RGS3: variants seen among roughly 807,000 people sequenced by gnomAD.
RGS3 encodes regulator of G-protein signalling 3.
A neutral mutation model predicts 132.6 loss-of-function variants in RGS3; 80 were observed. That is an observed-to-expected ratio of 0.60 (90% CI 0.50 to 0.73). The LOEUF (loss-of-function observed/expected upper bound fraction) is 0.73, where lower values mean the gene tolerates loss of function less well. RGS3 is among the 30% of genes least tolerant of loss of function. The probability of loss-of-function intolerance (pLI) is 0.00; values close to 1 mark genes in which losing one functional copy is unlikely to be tolerated. For missense variants in RGS3, 1,382 were observed against 1,530.8 expected (o/e 0.90, Z 1.62); for synonymous variants, 598 against 620.6 (o/e 0.96, Z 0.54).
chr9:113,583,912 A>G (rs777664413), exon 20 of RGS3: 5 of 1,614,056 alleles, frequency 3.1e-6, no homozygotes, highest in Non-Finnish European at 4.2e-6. Context: ...TGAGGACACC[A>G]TGAGCTCCGG....
chr9:113,527,038 C>G (rs1271380789), intron 17 of RGS3, among the ~76,000 whole-genome samples: 1 of 152,190 alleles, frequency 6.6e-6, no homozygotes, highest in African/African-American at 2.4e-5. Flanking sequence ...GAGTGCTGCC[C>G]CCATTCCGTC....
chr9:113,485,776 C>T lies in RGS3; in HGVS notation c.689+83C>T, dbSNP rs151259445. The T allele has an allele frequency of 5.4e-4, 514 of 949,926 alleles. 4 individuals carry two copies. In the East Asian group the frequency reaches 0.013, roughly 24 times the overall value. The allele number at this position is 949,926 out of a possible 1,614,324, so 58.8% of individuals were successfully genotyped here. On this transcript the variant is annotated intron_variant, in intron 7 of 24. Coordinates refer to ENST00000350696, the Ensembl canonical transcript of RGS3. ...AGGTGGCCAGCATACACCAGGGGTT[C>T]GATTAGTGCTTTCTGGATAAATGAG...
chr9:113,536,585 C>T lies in RGS3; in HGVS notation c.1915-211C>T, dbSNP rs1296900225. 4 of 1,383,478 alleles carry T rather than the reference C, an allele frequency of 2.9e-6. No homozygotes were observed. The South Asian group carries it at 4.4e-5, about 15-fold the overall frequency. The allele number at this position is 1,383,478 out of a possible 1,614,324, so 85.7% of individuals were successfully genotyped here. ...TCCCCTCCCCCAACCTGTGGGCCCACAGCTCGCCAGCTGGCCCTTGAACCC... is the reference window on the plus strand; with the variant it reads ...TCCCCTCCCCCAACCTGTGGGCCCATAGCTCGCCAGCTGGCCCTTGAACCC... On this transcript the variant is annotated intron_variant, in intron 18 of 24. Transcript: ENST00000350696.
chr9:113,508,553 G>A (rs759531513), exon 14 of RGS3: 1 of 1,612,664 alleles, frequency 6.2e-7, no homozygotes, highest in Non-Finnish European at 8.5e-7. Flanking sequence ...GCTCCGGCCT[G>A]TGTACCAGGA....
intron 19 of RGS3, among the ~76,000 whole-genome samples, chr9:113,543,854 G>A (rs550305328): frequency 2.4e-4 from 37 of 152,348 alleles, no homozygotes; most frequent in African/African-American, 8.7e-4. Flanking sequence ...GGCTGTTAGG[G>A]AAGTGGACAT....
intron 1 of RGS3, among the ~76,000 whole-genome samples, chr9:113,445,204 T>C (rs968829998): frequency 5.9e-5 from 9 of 152,042 alleles, no homozygotes; most frequent in African/African-American, 2.2e-4. Flanking sequence ...TTTTTTTGTT[T>C]TTTGTTTTTT....
chr9:113,572,971 C>T (rs1834356944), intron 19 of RGS3, among the ~76,000 whole-genome samples: 1 of 152,212 alleles, frequency 6.6e-6, no homozygotes, highest in Non-Finnish European at 1.5e-5. Context: ...GGAGAGGGAG[C>T]TGATGATGTC....
intron 19 of RGS3, among the ~76,000 whole-genome samples, chr9:113,578,925 C>T (rs751971931): frequency 6.6e-6 from 1 of 152,180 alleles, no homozygotes; most frequent in Non-Finnish European, 1.5e-5. Flanking sequence ...CAGAGAAAAC[C>T]AAGCTTGGAG....
chr9:113,569,335 G>T (rs1834157870), intron 19 of RGS3, among the ~76,000 whole-genome samples: 1 of 152,202 alleles, frequency 6.6e-6, no homozygotes, highest in Admixed American at 6.5e-5. Context: ...TCTTGGCAGT[G>T]CCTCTGGGGA....
upstream of RGS3, among the ~76,000 whole-genome samples, chr9:113,456,883 CTCTGCCTCCGGGT>C (rs1185656453): frequency 1.2e-4 from 19 of 152,294 alleles, no homozygotes; most frequent in East Asian, 3.5e-3. Context: ...TCACTGCAAC[CTCTGCCTCCGGGT>C]TCAAGCCATT....
At chr9:113,552,623 T>C (rs1833388071) in intron 19 of RGS3, among the ~76,000 whole-genome samples, 1 of 152,218 alleles carries the variant, frequency 6.6e-6, no homozygotes, top group Admixed American at 6.5e-5. Flanking sequence ...TTTTTAATTG[T>C]AGCTTTATAA....
rs1296988818 is a variant in RGS3, at chr9:113,595,579, A to G, written c.3245-20A>G. ...AGAGGCTGAGTTTGCCTCTTACCCC[A>G]GGATCCGTTCTCCTCACAGACGGGT... On this transcript the variant is annotated intron_variant, in intron 23 of 24. Transcript: ENST00000350696. 1.2e-6 allele frequency: 2 copies of G among 1,610,842 alleles called. No individual in the cohort carries two copies. Among genetic ancestry groups the G allele is most frequent in the Non-Finnish European group, 1.7e-6 (2 of 1,177,502 alleles).
intron 19 of RGS3, among the ~76,000 whole-genome samples, chr9:113,576,652 C>G (rs1834539788): frequency 6.6e-6 from 1 of 152,146 alleles, no homozygotes. Context: ...TTCATTTATT[C>G]ATTCAAACAC....
intron 22 of RGS3, among the ~76,000 whole-genome samples, 191 bp from the exon 21 acceptor site, chr9:113,594,728 G>C (rs1052266068): frequency 6.6e-6 from 1 of 152,124 alleles, no homozygotes; most frequent in Non-Finnish European, 1.5e-5. Flanking sequence ...GGGAAGGCTA[G>C]GTGGGGTGGA....
intron 19 of RGS3, among the ~76,000 whole-genome samples, chr9:113,571,545 T>G (rs1296394117): frequency 6.6e-6 from 1 of 152,110 alleles, no homozygotes; most frequent in Non-Finnish European, 1.5e-5. Flanking sequence ...TTCAAGTCTT[T>G]CCCCCATTTT....
At position 113,462,047 on chromosome 9, in the gene RGS3, CCT is replaced by C; in HGVS notation, c.266_267del (p.Ser89TyrfsTer22). The C allele has an allele frequency of 6.2e-7, 1 of 1,613,984 alleles. No homozygotes were observed. The highest frequency in any genetic ancestry group is 8.5e-7 in the Non-Finnish European group (1 of 1,180,014). ...TCTGCCACGTCTCTGTGCTCAGTGT[CCT>C]CTCTACATCCTGTGGCTTGAGCCTG... is the stretch of plus-strand genomic sequence containing the variant. On this transcript the variant is annotated frameshift_variant, in exon 3 of 25. Transcript: ENST00000350696. LOFTEE classifies it high-confidence loss of function.
chr9:113,594,002 T>G, intron 21 of RGS3: 1 of 1,613,006 alleles, frequency 6.2e-7, no homozygotes, highest in Non-Finnish European at 8.5e-7. Flanking sequence ...TGCAGACACA[T>G]GCCCCTTTCA....
intron 16 of RGS3, among the ~76,000 whole-genome samples, chr9:113,521,684 C>T (rs1298903634): frequency 2.0e-5 from 3 of 152,160 alleles, no homozygotes; most frequent in African/African-American, 7.2e-5. Flanking sequence ...TCTTAAATTA[C>T]AAAAATGCTG....
chr9:113,589,356 C>T lies in RGS3; in HGVS notation c.3016-1977C>T, dbSNP rs79730042. 1.1e-4 allele frequency: 17 copies of T among 152,394 alleles called. No homozygotes were observed. In the East Asian group the frequency reaches 1.9e-3, roughly 17 times the overall value. 9.4% of individuals were successfully genotyped at this position (152,394 alleles called of 1,614,324 possible). A position where few individuals can be genotyped will look rare whatever the true frequency, so the allele number is the denominator to read the frequency against. The stretch of plus-strand genomic sequence containing the variant: ...TTTTCACCTCAATTTCTCCTTGGCT[C>T]ACAGGCTCTTTTTGGTGCTGGGGTT... On this transcript the variant is annotated intron_variant, in intron 20 of 24. Transcript: ENST00000350696.
Sources: allele counts gnomAD v4.1 joint callset (sites outside exome capture counted in the v4.1 genomes callset), GRCh38; gene constraint gnomAD v4.1.1; transcripts MANE v1.5; gene names NCBI Gene and HGNC (gene_info 2026-07-23, HGNC 2026-07-21).